DNAH6: variants seen among roughly 807,000 people sequenced by gnomAD.
The protein encoded by DNAH6 is axonemal beta dynein heavy chain 6.
Under a neutral mutation model 491.4 loss-of-function variants are expected in DNAH6, and 340 were observed. The ratio of observed to expected loss-of-function variants is 0.69; its 90% CI spans 0.63 to 0.76. The LOEUF is 0.76. DNAH6 is among the 30% of genes least tolerant of loss of function. The probability of loss-of-function intolerance (pLI) is 0.00; values close to 1 mark genes in which losing one functional copy is unlikely to be tolerated. For synonymous variants in DNAH6, 1,603 were observed against 1,686.1 expected, an observed-to-expected ratio of 0.95 and a Z score of 1.21; for missense variants, 4,443 against 4,972.2, an observed-to-expected ratio of 0.89 and a Z score of 3.20.
At chr2:84,713,370 C>G in intron 57 of DNAH6, 111 bp downstream of exon 57, 1 of 1,065,474 alleles carries the variant, frequency 9.4e-7, no homozygotes. Flanking sequence ...CCATTCTCCC[C>G]TGTCTCCTAT....
chr2:84,557,741 AT>A lies in DNAH6; in HGVS notation c.1613del (p.Leu538TrpfsTer46). 6.4e-7 allele frequency: 1 copy of A among 1,559,454 alleles called. No homozygotes were observed. Among genetic ancestry groups the A allele is most frequent in the Non-Finnish European group, 8.7e-7 (1 of 1,144,608 alleles). ...ATGCTTTTCTCTTTAACAGGATGGT[AT>A]TTTGGGTGCAGTTAATCACTGTCAA... ...EPSLEDFLDG[I>X]LGAVNHCQNT... On this transcript the variant is annotated frameshift_variant, in exon 11 of 77. Coordinates refer to ENST00000389394, the MANE Select transcript of DNAH6 (RefSeq NM_001370.2). LOFTEE classifies it high-confidence loss of function.
intron 30 of DNAH6, among the ~76,000 whole-genome samples, chr2:84,635,619 C>G (rs764920161): frequency 4.6e-5 from 7 of 152,104 alleles, no homozygotes; most frequent in Non-Finnish European, 1.0e-4. Flanking sequence ...AGAGTAGAGG[C>G]AGGATTGAAG....
At chr2:84,550,183 C>T (rs1679191552) in intron 9 of DNAH6, 126 bp downstream of exon 9, 1 of 780,330 alleles carries the variant, frequency 1.3e-6, no homozygotes. Context: ...GAGCAGCGGC[C>T]CCCAACATTT....
intron 15 of DNAH6, among the ~76,000 whole-genome samples, chr2:84,585,550 G>A (rs1683450044): frequency 6.6e-6 from 1 of 152,104 alleles, no homozygotes; most frequent in Non-Finnish European, 1.5e-5. Flanking sequence ...TGGAATGGGT[G>A]ACTCCTCTCT....
chr2:84,577,227 T>C (rs1439647657), intron 12 of DNAH6, 30 bp from the exon 13 acceptor site: 1 of 1,430,332 alleles, frequency 7.0e-7, no homozygotes, highest in Non-Finnish European at 9.5e-7. Flanking sequence ...TATGGTATAT[T>C]TTATGCTTTA....
upstream of DNAH6, among the ~76,000 whole-genome samples, chr2:84,513,886 G>T (rs1055389120): frequency 5.3e-5 from 8 of 152,058 alleles, no homozygotes; most frequent in African/African-American, 1.9e-4. Context: ...TTCCCACCTG[G>T]ATCTACAGGT....
chr2:84,593,562 AC>A (rs1214855286), intron 16 of DNAH6, among the ~76,000 whole-genome samples: 4 of 152,266 alleles, frequency 2.6e-5, no homozygotes, highest in East Asian at 3.9e-4. Context: ...CAGCTACCGC[AC>A]AGTCATCTCC....
intron 70 of DNAH6, among the ~76,000 whole-genome samples, chr2:84,803,336 A>T (rs905664577): frequency 1.3e-5 from 2 of 152,218 alleles, no homozygotes; most frequent in African/African-American, 4.8e-5. Flanking sequence ...TTGAAAAACA[A>T]CCTGTTAGAT....
intron 16 of DNAH6, among the ~76,000 whole-genome samples, chr2:84,590,232 A>G (rs557748278): frequency 3.9e-5 from 6 of 152,212 alleles, no homozygotes; most frequent in African/African-American, 1.4e-4. Flanking sequence ...GCAGTGGCTC[A>G]CACCTGTACT....
Position 84,547,324 on chromosome 2 carries a change from G to C in DNAH6, c.987G>C (p.Met329Ile). The change falls in exon 6 of 77, where the codon ATG becomes ATC. Residue 329 changes from methionine (M) to isoleucine (I), a missense_variant. This residue lies in a region of DNAH6 where 2,977 missense variants were observed against 3,296.6 expected (regional missense o/e 0.90). Transcript: ENST00000389394. Reference protein sequence around the residue: ...INELCYHLSFMGLCYIEKCHT... With the variant: ...INELCYHLSFIGLCYIEKCHT... ...AATTGTGTTATCATTTGAGTTTTATGGGACTTTGTTATATTGAAAAGTGTC... is the reference window on the plus strand; with the variant it reads ...AATTGTGTTATCATTTGAGTTTTATCGGACTTTGTTATATTGAAAAGTGTC... 1 of 1,551,008 alleles carries C rather than the reference G, an allele frequency of 6.4e-7. No individual in the cohort carries two copies. Among genetic ancestry groups the C allele is most frequent in the East Asian group, 2.4e-5 (1 of 40,914 alleles).
chr2:84,592,956 G>A (rs1470141812), intron 16 of DNAH6, among the ~76,000 whole-genome samples: 1 of 151,994 alleles, frequency 6.6e-6, no homozygotes, highest in Non-Finnish European at 1.5e-5. Flanking sequence ...GTTGTTCTAG[G>A]TGTATAAAGT....
chr2:84,734,758 TC>T (rs1277522451), intron 62 of DNAH6, among the ~76,000 whole-genome samples: 1 of 152,208 alleles, frequency 6.6e-6, no homozygotes, highest in Admixed American at 6.5e-5. Flanking sequence ...TTAGAATTTT[TC>T]CCATTATACT....
chr2:84,486,617 C>A, the DNAH6 span, among the ~76,000 whole-genome samples: 3 of 152,240 alleles, frequency 2.0e-5, no homozygotes, highest in Admixed American at 6.5e-5. Flanking sequence ...GTGTGATAAG[C>A]AGCTGAATTA....
rs1461338179 is a variant in DNAH6 at position 84,624,526 on chromosome 2, T to A, written c.4259T>A (p.Leu1420Gln). 5.2e-6 allele frequency: 8 copies of A among 1,551,814 alleles called. No individual in the cohort carries two copies. In the East Asian group the frequency reaches 1.7e-4, roughly 33 times the overall value. The change falls in exon 28 of 77, where the codon CTG (leucine) becomes CAG (glutamine). Residue 1420 changes from leucine to glutamine, a missense_variant. Transcript: ENST00000389394. ...CTGCGCTATTACTGGGATATAGACCTGGATAATTGTGTGGCTAGAATGGCG... is the reference window on the plus strand; with the variant it reads ...CTGCGCTATTACTGGGATATAGACCAGGATAATTGTGTGGCTAGAATGGCG... The part of the protein sequence containing the change: ...RQLRYYWDID[L>Q]DNCVARMALS...
Position 84,577,293 on chromosome 2 carries a change from A to G in DNAH6, c.1961A>G (p.His654Arg), listed in dbSNP as rs753531317. The change falls in exon 13 of 77, where the codon CAC (histidine) becomes CGC (arginine). Residue 654 changes from histidine (H) to arginine (R), a missense_variant. By Grantham distance (29) the His-to-Arg change is conservative. Coordinates refer to ENST00000389394, the MANE Select transcript of DNAH6 (RefSeq NM_001370.2). ...NFFSEQLEKY[H>R]KQHKDAVALR... ...TTTAGTGAACAACTGGAAAAATATC[A>G]CAAACAGCACAAGGACGCAGTAGCG... is the stretch of plus-strand genomic sequence containing the variant. 5.7e-6 allele frequency: 9 copies of G among 1,592,906 alleles called. No individual in the cohort carries two copies. Among genetic ancestry groups the G allele is most frequent in the South Asian group, 2.4e-5 (2 of 84,874 alleles).
intron 18 of DNAH6, among the ~76,000 whole-genome samples, chr2:84,602,509 G>C (rs1174824804): frequency 2.4e-5 from 1 of 41,264 alleles, no homozygotes; most frequent in African/African-American, 1.2e-4. Context: ...TTTTTTTTTT[G>C]GTCTGGCTAC....
intron 59 of DNAH6, among the ~76,000 whole-genome samples, chr2:84,721,496 T>C (rs1698153270): frequency 6.6e-6 from 1 of 152,170 alleles, no homozygotes; most frequent in Non-Finnish European, 1.5e-5. Context: ...CCACTAGCCA[T>C]AGGTGGCTGT....
Position 84,595,639 on chromosome 2 carries a change from T to A in DNAH6, c.2725-7T>A. 1 of 1,517,878 alleles carries A rather than the reference T, an allele frequency of 6.6e-7. No homozygotes were observed. The highest frequency in any genetic ancestry group is 8.8e-7 in the Non-Finnish European group (1 of 1,134,714). The allele number at this position is 1,517,878 out of a possible 1,614,324, so 94.0% of individuals were successfully genotyped here. A position where few individuals can be genotyped will look rare whatever the true frequency, so the allele number is the denominator to read the frequency against. ...CTTGTTTTGCTTTGTTTTTAAATTT[T>A]TCATAGTCCAAATTTGATTGCCTGG... is the stretch of plus-strand genomic sequence containing the variant. On this transcript the variant is annotated splice_region_variant and splice_polypyrimidine_tract_variant and intron_variant, in intron 17 of 76. Coordinates refer to ENST00000389394, the MANE Select transcript of DNAH6 (RefSeq NM_001370.2).
chr2:84,777,648 A>G (rs1380878455), intron 64 of DNAH6: 1 of 810,628 alleles, frequency 1.2e-6, no homozygotes, highest in East Asian at 2.4e-5. Flanking sequence ...ACTCCACTCC[A>G]TACAGGCACA....
Sources: allele counts gnomAD v4.1 joint callset (sites outside exome capture counted in the v4.1 genomes callset), GRCh38; gene constraint gnomAD v4.1.1; regional missense constraint gnomAD v4.1.1; transcripts MANE v1.5; gene names NCBI Gene and HGNC (gene_info 2026-07-23, HGNC 2026-07-21).